The following ATP8B4 variants were observed in gnomAD, a reference collection of about 807,000 sequenced individuals.
ATP8B4 encodes the protein probable phospholipid-transporting ATPase IM.
Under a neutral mutation model 145.6 loss-of-function variants are expected in ATP8B4, and 133 were observed. The observed-to-expected ratio is 0.91, with a 90% confidence interval of 0.79 to 1.05. The LOEUF (loss-of-function observed/expected upper bound fraction) is 1.05. Among genes scored for constraint, ATP8B4 ranks in the 50% least tolerant of loss-of-function variants. ATP8B4 has a pLI of 0.00. For synonymous variants in ATP8B4, 507 were observed against 492.9 expected, an observed-to-expected ratio of 1.03 and a Z score of -0.38; for missense variants, 1,458 against 1,425.2, an observed-to-expected ratio of 1.02 and a Z score of -0.37.
At chr15:50,154,541 G>A (rs904849156) in intron 1 of ATP8B4, among the ~76,000 whole-genome samples, 2 of 151,984 alleles carry the variant, frequency 1.3e-5, no homozygotes, top group Non-Finnish European at 2.9e-5. Context: ...ATTATCAACT[G>A]TATGTTATAT....
At chr15:50,000,400 G>A (rs776856980) in intron 8 of ATP8B4, among the ~76,000 whole-genome samples, 1 of 152,076 alleles carries the variant, frequency 6.6e-6, no homozygotes, top group Non-Finnish European at 1.5e-5. Context: ...TGATAGGTCT[G>A]TAGTGAGATC....
chr15:49,978,739 T>TACACACACACACACACAC lies in ATP8B4; in HGVS notation c.1034+860_1034+877dup, dbSNP rs60436585. Among the ~76,000 whole-genome samples, 39 of 122,856 alleles carry TACACACACACACACACAC rather than the reference T, an allele frequency of 3.2e-4. 1 individual carries two copies. In the East Asian group the frequency reaches 4.1e-3, roughly 13 times the overall value. 80.6% of individuals were successfully genotyped at this position (122,856 alleles called of 152,430 possible). A position where few individuals can be genotyped will look rare whatever the true frequency, so the allele number is the denominator to read the frequency against. Reference sequence around the variant, plus strand: ...GGGCCAATTTCTAAGCTTTATCAAATACACACACACACACACACACACACA... The same window carrying TACACACACACACACACAC: ...GGGCCAATTTCTAAGCTTTATCAAATACACACACACACACACACACACACACACACACACACACACACA... On this transcript the variant is annotated intron_variant, in intron 12 of 27. Transcript: ENST00000284509.
At chr15:50,127,787 T>C (rs1421112113) in intron 1 of ATP8B4, among the ~76,000 whole-genome samples, 1 of 152,234 alleles carries the variant, frequency 6.6e-6, no homozygotes, top group Non-Finnish European at 1.5e-5. Context: ...AGGACCATCC[T>C]GTCCTCTAGA....
At chr15:50,168,501 G>A (rs2044625619) in intron 1 of ATP8B4, among the ~76,000 whole-genome samples, 1 of 152,176 alleles carries the variant, frequency 6.6e-6, no homozygotes, top group Admixed American at 6.5e-5. Context: ...AAATACAGGG[G>A]TAGAGAAAGC....
chr15:50,002,719 G>C lies in ATP8B4; in HGVS notation c.436-496C>G, dbSNP rs140786796. Among the ~76,000 whole-genome samples, 374 of 152,062 alleles carry C rather than the reference G, an allele frequency of 2.5e-3. 2 individuals carry two copies. The highest frequency in any genetic ancestry group is 8.8e-3 in the African/African-American group (365 of 41,492). ...GCAAGGAAGTTAAGAAAGAGATAAAGATGGAAAGAAAAAAGTAAAAGATGG... is the reference window on the plus strand; with the variant it reads ...GCAAGGAAGTTAAGAAAGAGATAAACATGGAAAGAAAAAAGTAAAAGATGG... On this transcript the variant is annotated intron_variant, in intron 7 of 27. Transcript: ENST00000284509.
At chr15:50,138,424 GAGATAGACAGACAGATGAT>G (rs1292188486) in intron 1 of ATP8B4, among the ~76,000 whole-genome samples, 12 of 126,010 alleles carry the variant, frequency 9.5e-5, no homozygotes, top group Non-Finnish European at 3.3e-5. Flanking sequence ...GATAGATAGA[GAGATAGACAGACAGATGAT>G]AGATAGACAG....
At chr15:49,863,697 T>C (rs2032266914) in intron 26 of ATP8B4, among the ~76,000 whole-genome samples, 1 of 152,126 alleles carries the variant, frequency 6.6e-6, no homozygotes, top group Non-Finnish European at 1.5e-5. Flanking sequence ...AGAAACAAAC[T>C]TGACTTAATC....
At chr15:50,068,297 T>C (rs1323594690) in intron 3 of ATP8B4, among the ~76,000 whole-genome samples, 1 of 152,056 alleles carries the variant, frequency 6.6e-6, no homozygotes, top group Non-Finnish European at 1.5e-5. Context: ...CTGCTGGGGG[T>C]TGGAGGTACT....
chr15:49,935,090 T>C (rs184098570), intron 14 of ATP8B4, among the ~76,000 whole-genome samples: 2 of 152,218 alleles, frequency 1.3e-5, no homozygotes, highest in East Asian at 3.9e-4. Context: ...CAATTATCTA[T>C]TCTGTGTCAC....
chr15:50,107,088 G>C (rs563143384), intron 1 of ATP8B4, 80 bp from the exon 2 acceptor site: 1 of 897,980 alleles, frequency 1.1e-6, no homozygotes. Flanking sequence ...TTTCTTCCTA[G>C]ACAAATCTAG....
intron 23 of ATP8B4, chr15:49,880,096 T>C (rs905178448): frequency 2.6e-5 from 4 of 152,174 alleles, no homozygotes; most frequent in Non-Finnish European, 4.4e-5. Context: ...GTACACACAG[T>C]TGTGGAAACA....
Position 50,023,806 on chromosome 15 carries a change from G to GA in ATP8B4, c.363-12890dup, listed in dbSNP as rs57474721. Among the ~76,000 whole-genome samples, 310 of 106,984 alleles carry GA rather than the reference G, an allele frequency of 2.9e-3. 1 individual carries two copies. The East Asian group carries it at 0.035, about 12-fold the overall frequency. 70.2% of individuals were successfully genotyped at this position (106,984 alleles called of 152,430 possible). On this transcript the variant is annotated intron_variant, in intron 6 of 27. Transcript: ENST00000284509. ...AAAAAAAAAAAAAAAAGAAAAAAAA[G>GA]AAAAAAAAAAAGCCTTTTAAAACTA...
In ATP8B4 at chr15:49,901,750, A is replaced by C. The variant is rs532670559; in HGVS notation, c.2142-511T>G. On this transcript the variant is annotated intron_variant, in intron 20 of 27. Transcript: ENST00000284509. The stretch of plus-strand genomic sequence containing the variant: ...AGTCCTCTGAGAAACATATTTTTTA[A>C]AAAAAATTTAACAAGAAGAAAAATG... The C allele has an allele frequency of 1.7e-3, 694 of 404,494 alleles. 2 individuals carry two copies. The highest frequency in any genetic ancestry group is 2.8e-3 in the Non-Finnish European group (588 of 209,250). 25.1% of individuals were successfully genotyped at this position (404,494 alleles called of 1,614,324 possible). A position where few individuals can be genotyped will look rare whatever the true frequency, so the allele number is the denominator to read the frequency against.
rs543634812 is a variant in ATP8B4 at position 49,913,124 on chromosome 15, C to CTTTTT, written c.2141+3805_2141+3809dup. 1.4e-3 allele frequency among the ~76,000 whole-genome samples: 190 copies of CTTTTT among 139,422 alleles called. 2 individuals carry two copies. Among genetic ancestry groups the CTTTTT allele is most frequent in the African/African-American group, 3.3e-3 (115 of 35,126 alleles). 91.5% of individuals were successfully genotyped at this position (139,422 alleles called of 152,430 possible). The stretch of plus-strand genomic sequence containing the variant: ...GAAAGCCAGGTGACAGAGCACCTGG[C>CTTTTT]TTTTTTTTTTGTGTCTCAAAGAAAA... On this transcript the variant is annotated intron_variant, in intron 20 of 27. Transcript: ENST00000284509.
chr15:49,936,096 A>G (rs73396998), intron 14 of ATP8B4, among the ~76,000 whole-genome samples: 5,537 of 152,270 alleles, frequency 0.036, 129 homozygotes, highest in South Asian at 0.084. Flanking sequence ...CTAAAAGTTG[A>G]AAATGAATAA....
At chr15:50,118,370 C>A (rs1412059787) in intron 1 of ATP8B4, among the ~76,000 whole-genome samples, 1 of 152,016 alleles carries the variant, frequency 6.6e-6, no homozygotes, top group Non-Finnish European at 1.5e-5. Context: ...TTAAAAAAAT[C>A]AAAACTGAAA....
intron 14 of ATP8B4, among the ~76,000 whole-genome samples, chr15:49,940,899 T>C (rs1207996419): frequency 6.6e-6 from 1 of 151,620 alleles, no homozygotes; most frequent in Non-Finnish European, 1.5e-5. Flanking sequence ...AAAAACAGAG[T>C]CCCTCCTTGT....
rs112531619 is a variant in ATP8B4, at chr15:50,011,669, G to C, written c.363-752C>G. 2.0e-5 allele frequency among the ~76,000 whole-genome samples: 3 copies of C among 152,306 alleles called. No homozygotes were observed. The South Asian group carries it at 6.2e-4, about 32-fold the overall frequency. On this transcript the variant is annotated intron_variant, in intron 6 of 27. Transcript: ENST00000284509. Reference sequence around the variant, plus strand: ...CCCTGATGACAAGTTAGTCAGGGCTGTCCAAAACCAGACAGGCCCTCTGGA... The same window carrying C: ...CCCTGATGACAAGTTAGTCAGGGCTCTCCAAAACCAGACAGGCCCTCTGGA...
intron 2 of ATP8B4, among the ~76,000 whole-genome samples, chr15:50,095,441 T>A (rs1156460278): frequency 6.6e-6 from 1 of 152,156 alleles, no homozygotes; most frequent in South Asian, 2.1e-4. Flanking sequence ...TCTGTTAACA[T>A]ACGGTTGAAT....
Sources: gnomAD v4.1 joint callset for allele counts (sites outside exome capture counted in the v4.1 genomes callset) on GRCh38, gnomAD v4.1.1 for gene constraint, MANE v1.5 for transcripts, NCBI Gene and HGNC (gene_info 2026-07-23, HGNC 2026-07-21) for gene names.